GRHL2: variants seen among roughly 807,000 people sequenced by gnomAD.
The protein encoded by GRHL2 is grainyhead-like protein 2 homolog.
A neutral mutation model predicts 83.8 loss-of-function variants in GRHL2; 21 were observed. That is an observed-to-expected ratio of 0.25 (90% confidence interval 0.18 to 0.36). The LOEUF (loss-of-function observed/expected upper bound fraction) is 0.36. GRHL2 is among the 10% of genes least tolerant of loss of function. The probability of loss-of-function intolerance (pLI) is 1.00; values close to 1 mark genes in which losing one functional copy is unlikely to be tolerated. For synonymous variants in GRHL2, 280 were observed against 278.9 expected (o/e 1.00, Z -0.04); for missense variants, 623 against 781.8 (o/e 0.80, Z 2.42).
chr8:101,570,320 G>T lies in GRHL2; in HGVS notation c.679-19G>T. 1.9e-6 allele frequency: 3 copies of T among 1,604,634 alleles called. No homozygotes were observed. Among genetic ancestry groups the T allele is most frequent in the Non-Finnish European group, 2.6e-6 (3 of 1,171,650 alleles). ...TGACTTACCTATTTGTTTTAATTCC[G>T]ATGACTCATATTTTGCAGAAATTTC... On this transcript the variant is annotated intron_variant, in intron 4 of 15. Transcript: ENST00000646743.
intron 1 of GRHL2, chr8:101,542,828 G>A (rs778976988): frequency 4.4e-5 from 20 of 456,924 alleles, no homozygotes; most frequent in African/African-American, 1.6e-4. Flanking sequence ...GAGAGCAAGA[G>A]GGGGTGAAGC....
At chr8:101,525,139 C>T (rs749754326) in intron 1 of GRHL2, among the ~76,000 whole-genome samples, 10 of 152,152 alleles carry the variant, frequency 6.6e-5, no homozygotes, top group Admixed American at 2.0e-4. Context: ...GACAGGGTTT[C>T]ATCATGTTGG....
chr8:101,532,008 C>T (rs898306852), intron 1 of GRHL2, among the ~76,000 whole-genome samples: 6 of 152,250 alleles, frequency 3.9e-5, no homozygotes, highest in Non-Finnish European at 7.3e-5. Flanking sequence ...TGAATCTTCT[C>T]TTTCCCGAGC....
At chr8:101,529,198 G>A in intron 1 of GRHL2, 2 of 260,964 alleles carry the variant, frequency 7.7e-6, no homozygotes, top group Admixed American at 5.2e-5. Flanking sequence ...ACTTTGGGAG[G>A]CCAAGGTGGG....
chr8:101,592,009 T>A (rs1812294266), intron 7 of GRHL2, among the ~76,000 whole-genome samples: 1 of 151,982 alleles, frequency 6.6e-6, no homozygotes, highest in Non-Finnish European at 1.5e-5. Context: ...AGAAGGGAAA[T>A]CTGAGAAACG....
chr8:101,577,494 G>C lies in GRHL2; in HGVS notation c.978G>C (p.Thr326=). ...YWKYWHSRQH[T]AKQRVLDIAD... ...AATACTGGCACTCTCGGCAGCATAC[G>C]GCGAAGCAGAGGGTCCTTGACATTG... Residue 326 remains threonine (T), a synonymous_variant, in exon 7 of 16, where the codon ACG becomes ACC. Coordinates refer to ENST00000646743, the MANE Select transcript of GRHL2 (RefSeq NM_024915.4). The C allele has an allele frequency of 2.5e-6, 4 of 1,613,706 alleles. No homozygotes were observed. Among genetic ancestry groups the C allele is most frequent in the Non-Finnish European group, 3.4e-6 (4 of 1,179,672 alleles).
chr8:101,652,540 TGTGTGTGGTGTGTATGTGTG>T (rs1813684019), intron 14 of GRHL2, among the ~76,000 whole-genome samples: 1 of 104,000 alleles, frequency 9.6e-6, no homozygotes, highest in African/African-American at 5.5e-5. Context: ...GTGGTGTGTG[TGTGTGTGGTGTGTATGTGTG>T]GTGGTGTGTG....
At chr8:101,604,786 A>C (rs1339195153) in intron 8 of GRHL2, among the ~76,000 whole-genome samples, 2 of 152,182 alleles carry the variant, frequency 1.3e-5, no homozygotes, top group African/African-American at 4.8e-5. Flanking sequence ...CATCACACTA[A>C]TCATGCTGAC....
At chr8:101,616,871 T>C (rs932086964) in intron 8 of GRHL2, among the ~76,000 whole-genome samples, 1 of 152,192 alleles carries the variant, frequency 6.6e-6, no homozygotes, top group Non-Finnish European at 1.5e-5. Context: ...AATACATGAA[T>C]TAAAGAAATG....
intron 4 of GRHL2, among the ~76,000 whole-genome samples, chr8:101,568,690 A>T (rs1407404465): frequency 2.6e-5 from 4 of 152,088 alleles, no homozygotes; most frequent in Non-Finnish European, 5.9e-5. Context: ...CTGGCACCAA[A>T]GCAGATTGTG....
At chr8:101,665,143 T>C (rs1263637568) in intron 15 of GRHL2, among the ~76,000 whole-genome samples, 1 of 152,184 alleles carries the variant, frequency 6.6e-6, no homozygotes, top group African/African-American at 2.4e-5. Flanking sequence ...GGCTTAAGCA[T>C]GTCGCCCAAG....
chr8:101,649,878 A>G (rs992369562), intron 14 of GRHL2, among the ~76,000 whole-genome samples: 2 of 152,208 alleles, frequency 1.3e-5, no homozygotes, highest in African/African-American at 4.8e-5. Context: ...TCCAAAAGAA[A>G]TATGATCTCT....
At chr8:101,646,693 G>A (rs1426480907) in intron 13 of GRHL2, among the ~76,000 whole-genome samples, 1 of 152,230 alleles carries the variant, frequency 6.6e-6, no homozygotes, top group African/African-American at 2.4e-5. Context: ...TGCCTTTGTG[G>A]CAGGGTGTCT....
At chr8:101,523,556 A>G (rs896223563) in intron 1 of GRHL2, among the ~76,000 whole-genome samples, 2 of 150,162 alleles carry the variant, frequency 1.3e-5, no homozygotes, top group African/African-American at 4.9e-5. Flanking sequence ...GCTCACTGCA[A>G]CCTCAATCTC....
chr8:101,666,437 T>G, intron 15 of GRHL2, 152 bp from the exon 16 acceptor site: 1 of 658,226 alleles, frequency 1.5e-6, no homozygotes, highest in South Asian at 1.7e-5. Flanking sequence ...AGAATGAGGG[T>G]CTTTCCCTGC....
At position 101,667,177 on chromosome 8, in the gene GRHL2, G is replaced by A. The variant is rs1349635228; in HGVS notation, c.*474G>A. On this transcript the variant is annotated 3_prime_UTR_variant, in exon 16 of 16. Transcript: ENST00000646743. Reference sequence around the variant, plus strand: ...GCAGTAGTTATAGGTGGGGCAAGAGGTGGATGCCCACTTTCTGGTCAGACA... The same window carrying A: ...GCAGTAGTTATAGGTGGGGCAAGAGATGGATGCCCACTTTCTGGTCAGACA... 2.4e-5 allele frequency: 5 copies of A among 205,788 alleles called. No homozygotes were observed. The highest frequency in any genetic ancestry group is 1.5e-4 in the Admixed American group (3 of 19,398). The allele number at this position is 205,788 out of a possible 1,614,324, so 12.7% of individuals were successfully genotyped here.
At chr8:101,531,222 C>CA (rs34027383) in intron 1 of GRHL2, among the ~76,000 whole-genome samples, 34,125 of 131,624 alleles carry the variant, frequency 0.26, 4,457 homozygotes, top group South Asian at 0.36. Flanking sequence ...GACCTTATCT[C>CA]AAAAAAAAAA....
chr8:101,521,620 A>G (rs1810685629), intron 1 of GRHL2, among the ~76,000 whole-genome samples: 1 of 152,150 alleles, frequency 6.6e-6, no homozygotes, highest in African/African-American at 2.4e-5. Flanking sequence ...AGCTCACAGT[A>G]GGTGCTCAGT....
intron 1 of GRHL2, among the ~76,000 whole-genome samples, chr8:101,524,880 G>C (rs904137571): frequency 1.3e-5 from 2 of 151,882 alleles, no homozygotes; most frequent in Non-Finnish European, 2.9e-5. Flanking sequence ...CTGATATATA[G>C]AGTCTTGTTT....
Sources: gnomAD v4.1 joint callset for allele counts (sites outside exome capture counted in the v4.1 genomes callset) on GRCh38, gnomAD v4.1.1 for gene constraint, MANE v1.5 for transcripts, NCBI Gene and HGNC (gene_info 2026-07-23, HGNC 2026-07-21) for gene names.